Variants in SIN3B observed in about 807,000 individuals in gnomAD.
The protein encoded by SIN3B is SIN3 transcription regulator family member B, also known as paired amphipathic helix protein Sin3b.
A neutral mutation model predicts 120.2 loss-of-function variants in SIN3B; 19 were observed. That is an observed-to-expected ratio of 0.16 (90% CI 0.11 to 0.23). SIN3B has a LOEUF of 0.23. Ranked by LOEUF, SIN3B falls within the 10% of genes least tolerant of loss-of-function variation. The pLI is 1.00. For missense variants in SIN3B, 1,073 were observed against 1,573.0 expected (o/e 0.68, Z 5.38); for synonymous variants, 654 against 653.2 (o/e 1.00, Z -0.02).
In SIN3B at chr19:16,866,549, A is replaced by G; in HGVS notation, c.1799A>G (p.Tyr600Cys). Reference protein sequence around the residue: ...KSLLNEIESVYDEHQEQHSEG... With the variant: ...KSLLNEIESVCDEHQEQHSEG... The stretch of plus-strand genomic sequence containing the variant: ...TTGCTCAACGAGATCGAGAGCGTCT[A>G]CGACGAGGTAAAGCCTTCCCTAGCC... Residue 600 changes from tyrosine (Y) to cysteine (C), a missense_variant, in exon 12 of 19, where the codon TAC (tyrosine) becomes TGC (cysteine). Physicochemically the swap from Tyr to Cys is radical, Grantham distance 194. Transcript: ENST00000248054. The G allele has an allele frequency of 1.2e-6, 2 of 1,613,622 alleles. No individual in the cohort carries two copies. Among genetic ancestry groups the G allele is most frequent in the South Asian group, 1.1e-5 (1 of 91,078 alleles).
intron 11 of SIN3B, 34 bp downstream of exon 11, chr19:16,865,682 C>A: frequency 7.4e-7 from 1 of 1,343,744 alleles, no homozygotes; most frequent in Non-Finnish European, 1.0e-6. Flanking sequence ...CCTTCCCCTT[C>A]CCCTTCCCCC....
chr19:16,857,940 G>A (rs886848100), intron 8 of SIN3B, among the ~76,000 whole-genome samples: 2 of 151,962 alleles, frequency 1.3e-5, no homozygotes, highest in Admixed American at 6.6e-5. Flanking sequence ...GCAATGGTGC[G>A]ATCTCAGCTC....
At chr19:16,830,167 C>T (rs1971261733) in intron 2 of SIN3B, among the ~76,000 whole-genome samples, 1 of 152,208 alleles carries the variant, frequency 6.6e-6, no homozygotes, top group Non-Finnish European at 1.5e-5. Context: ...GAGTCAAATC[C>T]TGCCTTGATT....
chr19:16,853,171 C>T lies in SIN3B; in HGVS notation c.939+13C>T, dbSNP rs1028607539. ...TTTCTTTGACAAGGTGAGGGTGGGC[C>T]CTGGCTTCCATCTTGGGGATGCCAT... is the stretch of plus-strand genomic sequence containing the variant. On this transcript the variant is annotated intron_variant, in intron 7 of 18. Transcript: ENST00000248054. 7 of 1,612,164 alleles carry T rather than the reference C, an allele frequency of 4.3e-6. No individual in the cohort carries two copies. The highest frequency in any genetic ancestry group is 2.5e-6 in the Non-Finnish European group (3 of 1,178,346).
At chr19:16,849,849 A>G (rs1233332967) in intron 5 of SIN3B, among the ~76,000 whole-genome samples, 1 of 152,040 alleles carries the variant, frequency 6.6e-6, no homozygotes, top group Non-Finnish European at 1.5e-5. Context: ...CCAGCTACAT[A>G]GAAGGCTGAA....
In SIN3B at chr19:16,878,604, G is replaced by C; in HGVS notation, c.3270G>C (p.Trp1090Cys). 6.2e-7 allele frequency: 1 copy of C among 1,612,674 alleles called. No homozygotes were observed. The highest frequency in any genetic ancestry group is 8.5e-7 in the Non-Finnish European group (1 of 1,179,464). ...TVEAASLVQD[W>C]LMGEEDEDMV... The stretch of plus-strand genomic sequence containing the variant: ...AGGCGGCTAGCCTGGTGCAGGACTG[G>C]CTGATGGGTGAGGAGGACGAGGACA... The change falls in exon 19 of 19, where the codon TGG (tryptophan) becomes TGC (cysteine). Residue 1090 changes from tryptophan to cysteine, a missense_variant. Trp to Cys is a radical substitution (Grantham distance 215). Around this residue, in one of 7 missense-constraint regions of SIN3B, gnomAD observed 311 missense variants for 400.3 expected, o/e 0.78. Coordinates refer to ENST00000248054, the MANE Select transcript of SIN3B (RefSeq NM_001297595.2).
chr19:16,856,041 A>T (rs1222127104), intron 8 of SIN3B, among the ~76,000 whole-genome samples: 1 of 152,190 alleles, frequency 6.6e-6, no homozygotes, highest in African/African-American at 2.4e-5. Flanking sequence ...TGGGTGACAG[A>T]GTGAGACCCT....
intron 4 of SIN3B, chr19:16,844,199 A>G (rs1971453001): frequency 6.6e-6 from 1 of 152,238 alleles, no homozygotes; most frequent in Non-Finnish European, 1.5e-5. Context: ...CAGGTTGTCT[A>G]GTTTTTTCAA....
chr19:16,852,208 G>A (rs1238386158), intron 6 of SIN3B, among the ~76,000 whole-genome samples: 6 of 152,102 alleles, frequency 3.9e-5, no homozygotes, highest in African/African-American at 1.2e-4. Context: ...CTCACTGCAA[G>A]CTCCGCCTCC....
At chr19:16,829,672 C>A in intron 1 of SIN3B, 119 bp from the exon 2 acceptor site, 1 of 1,260,510 alleles carries the variant, frequency 7.9e-7, no homozygotes, top group Non-Finnish European at 1.1e-6. Context: ...ACCCCTCACC[C>A]CTCACCTCTC....
At chr19:16,852,301 G>A (rs547529388) in intron 6 of SIN3B, among the ~76,000 whole-genome samples, 7 of 151,910 alleles carry the variant, frequency 4.6e-5, no homozygotes, top group Non-Finnish European at 1.0e-4. Flanking sequence ...GGGGGGATGG[G>A]GTTTCACTCT....
Position 16,862,535 on chromosome 19 carries a change from T to C in SIN3B, c.1242T>C (p.Ser414=). Residue 414 remains serine, a synonymous_variant, in exon 9 of 19, where the codon AGT becomes AGC. Coordinates refer to ENST00000248054, the MANE Select transcript of SIN3B (RefSeq NM_001297595.2). This position sits in a 1 kb window ranked among gnomAD's most constrained non-coding sequence, Gnocchi z 4.7. Reference sequence around the variant, plus strand: ...AAACCTACCAGCAGCCCAAGTGCAGTGGGAGGACAGCCATCTGCAAGGAGG... The same window carrying C: ...AAACCTACCAGCAGCCCAAGTGCAGCGGGAGGACAGCCATCTGCAAGGAGG... The part of the protein sequence containing the change: ...LPKTYQQPKC[S]GRTAICKEVL... 1 of 1,613,798 alleles carries C rather than the reference T, an allele frequency of 6.2e-7. No individual in the cohort carries two copies. Among genetic ancestry groups the C allele is most frequent in the Non-Finnish European group, 8.5e-7 (1 of 1,179,996 alleles).
chr19:16,854,290 A>AG (rs540938170), intron 8 of SIN3B, 29 bp downstream of exon 8: 6 of 1,463,766 alleles, frequency 4.1e-6, no homozygotes, highest in Admixed American at 3.6e-5. Context: ...AGGGCTCCCT[A>AG]GGGGGGTTCT....
intron 12 of SIN3B, among the ~76,000 whole-genome samples, chr19:16,867,797 C>A (rs555445366): frequency 4.7e-4 from 71 of 152,318 alleles, no homozygotes; most frequent in African/African-American, 1.6e-3. Flanking sequence ...CACCTCCCTT[C>A]CCGTGGGCCA....
chr19:16,865,110 C>T (rs866394302), intron 10 of SIN3B: 8 of 258,014 alleles, frequency 3.1e-5, no homozygotes, highest in East Asian at 3.0e-4. Flanking sequence ...GGATTACAGG[C>T]GTGAGCCACC....
Position 16,876,259 on chromosome 19 carries a change from C to T in SIN3B, c.2766+31C>T, listed in dbSNP as rs371599595. ...AGGAGGCCTGGGGCTGGGAACACGC[C>T]GGGAGGCCCGGCCGCTCACTCCGCT... is the stretch of plus-strand genomic sequence containing the variant. On this transcript the variant is annotated intron_variant, in intron 15 of 18. Transcript: ENST00000248054. The surrounding 1 kb of genome is among the most constrained non-coding windows in gnomAD (Gnocchi z 7.1). The T allele has an allele frequency of 1.4e-4, 227 of 1,590,052 alleles. No homozygotes were observed. The highest frequency in any genetic ancestry group is 4.1e-4 in the Admixed American group (24 of 58,646).
In SIN3B at chr19:16,854,276, TC is replaced by T; in HGVS notation, c.1058+18del. 6.4e-7 allele frequency: 1 copy of T among 1,559,380 alleles called. No homozygotes were observed. The highest frequency in any genetic ancestry group is 8.8e-7 in the Non-Finnish European group (1 of 1,135,668). On this transcript the variant is annotated intron_variant, in intron 8 of 18. Transcript: ENST00000248054. ...CCATTTCTGGGGTGAGCAGCTGACT[TC>T]CCAGGGCTCCCTAGGGGGGTTCTGT...
At chr19:16,861,784 AT>A (rs1338546352) in intron 8 of SIN3B, among the ~76,000 whole-genome samples, 1 of 151,220 alleles carries the variant, frequency 6.6e-6, no homozygotes, top group Non-Finnish European at 1.5e-5. Flanking sequence ...AAAAAAAAAA[AT>A]TTAGCCGGGT....
Position 16,878,990 on chromosome 19 carries a change from C to A in SIN3B, c.*263C>A, listed in dbSNP as rs576526075. 4.0e-4 allele frequency: 217 copies of A among 535,924 alleles called. 1 individual carries two copies. The South Asian group carries it at 5.1e-3, about 13-fold the overall frequency. 33.2% of individuals were successfully genotyped at this position (535,924 alleles called of 1,614,324 possible). On this transcript the variant is annotated 3_prime_UTR_variant, in exon 19 of 19. Transcript: ENST00000248054. ...GCGGGTGGACGTGCTGGCCGAGGAACAAGCAATCATGTTTGCGTCCCCGTC... is the reference window on the plus strand; with the variant it reads ...GCGGGTGGACGTGCTGGCCGAGGAAAAAGCAATCATGTTTGCGTCCCCGTC...
Sources: allele counts gnomAD v4.1 joint callset (sites outside exome capture counted in the v4.1 genomes callset), GRCh38; gene constraint gnomAD v4.1.1; regional missense constraint gnomAD v4.1.1; non-coding constraint Gnocchi (gnomAD v3.1); transcripts MANE v1.5; gene names NCBI Gene and HGNC (gene_info 2026-07-23, HGNC 2026-07-21).